CRACR2A: variants seen among roughly 807,000 people sequenced by gnomAD.
CRACR2A encodes calcium release activated channel regulator 2A.
In CRACR2A, 79 loss-of-function variants were observed where a neutral mutation model predicts 90.5. The observed-to-expected ratio is 0.87, with a 90% CI of 0.73 to 1.05. The LOEUF is 1.05. CRACR2A is among the 50% of genes least tolerant of loss of function. The probability of loss-of-function intolerance (pLI) is 0.00; values close to 1 mark genes in which losing one functional copy is unlikely to be tolerated. For synonymous variants in CRACR2A, 338 were observed against 356.7 expected (o/e 0.95, Z 0.59); for missense variants, 823 against 897.2 (o/e 0.92, Z 1.06).
In CRACR2A at chr12:3,654,250, G is replaced by A; in HGVS notation, c.1008C>T (p.Leu336=). The stretch of plus-strand genomic sequence containing the variant: ...GGTGGAGTTTGCAGGCCTCTTGCTG[G>A]AGGCTTTCCAACTGCTGCTGAGCAT... ...LQDAQQQLES[L]QQEACKLHQE... is the part of the protein sequence containing the mutation. Residue 336 remains leucine, a synonymous_variant, in exon 10 of 20, where the codon CTC becomes CTT. Coordinates refer to ENST00000440314, the MANE Select transcript of CRACR2A (RefSeq NM_001144958.2). The A allele has an allele frequency of 1.9e-6, 3 of 1,613,698 alleles. No homozygotes were observed. Among genetic ancestry groups the A allele is most frequent in the Non-Finnish European group, 2.5e-6 (3 of 1,179,898 alleles).
At chr12:3,716,690 C>A (rs1445148066) in intron 2 of CRACR2A, among the ~76,000 whole-genome samples, 1 of 152,154 alleles carries the variant, frequency 6.6e-6, no homozygotes, top group Non-Finnish European at 1.5e-5. Flanking sequence ...GGGGCATTGT[C>A]CCCATGAACT....
At chr12:3,722,145 T>C (rs1036811853) in intron 2 of CRACR2A, among the ~76,000 whole-genome samples, 1 of 152,224 alleles carries the variant, frequency 6.6e-6, no homozygotes, top group Admixed American at 6.5e-5. Context: ...GTAACCATAC[T>C]ACCCAGCACA....
At chr12:3,742,573 T>C (rs1946545027) in intron 1 of CRACR2A, among the ~76,000 whole-genome samples, 1 of 152,228 alleles carries the variant, frequency 6.6e-6, no homozygotes, top group Non-Finnish European at 1.5e-5. Context: ...TTCTAGATTA[T>C]GAACTAGTCA....
intron 2 of CRACR2A, among the ~76,000 whole-genome samples, chr12:3,721,375 A>AT (rs1946169971): frequency 6.6e-6 from 1 of 151,386 alleles, no homozygotes; most frequent in Non-Finnish European, 1.5e-5. Context: ...CTCTACAAAA[A>AT]AAAAAAAGAA....
chr12:3,673,802 G>A lies in CRACR2A; in HGVS notation c.525-210C>T, dbSNP rs141652848. ...GTCCTCACAATAACCCTACAAGGCAGGAGCTGCAATTACCCCATTTACAGA... is the reference window on the plus strand; with the variant it reads ...GTCCTCACAATAACCCTACAAGGCAAGAGCTGCAATTACCCCATTTACAGA... On this transcript the variant is annotated intron_variant, in intron 6 of 19. Coordinates refer to ENST00000440314, the MANE Select transcript of CRACR2A (RefSeq NM_001144958.2). Among the ~76,000 whole-genome samples, 166 of 152,328 alleles carry A rather than the reference G, an allele frequency of 1.1e-3. 1 individual carries two copies. Among genetic ancestry groups the A allele is most frequent in the Admixed American group, 5.2e-3 (80 of 15,298 alleles).
chr12:3,712,209 T>C (rs1025712067), intron 3 of CRACR2A, among the ~76,000 whole-genome samples: 11 of 137,778 alleles, frequency 8.0e-5, no homozygotes, highest in African/African-American at 2.8e-4. Context: ...CCCTGTGACC[T>C]TGGGAAGTTG....
intron 4 of CRACR2A, among the ~76,000 whole-genome samples, chr12:3,695,952 A>G (rs1269503354): frequency 6.6e-6 from 1 of 152,262 alleles, no homozygotes; most frequent in Non-Finnish European, 1.5e-5. Context: ...TAAACCAGCA[A>G]TCCCCTATTT....
intron 17 of CRACR2A, among the ~76,000 whole-genome samples, chr12:3,620,955 C>T (rs1245195999): frequency 2.0e-5 from 3 of 152,196 alleles, no homozygotes; most frequent in Non-Finnish European, 4.4e-5. Flanking sequence ...TTAGCTAGAG[C>T]GTTCACTAAT....
intron 2 of CRACR2A, among the ~76,000 whole-genome samples, chr12:3,721,585 C>CAAA (rs60808773): frequency 0.12 from 13,447 of 113,386 alleles, 821 homozygotes; most frequent in Middle Eastern, 0.18. Flanking sequence ...AATCATGTCT[C>CAAA]AAAAAAAAAA....
chr12:3,695,099 G>T (rs1321749400), intron 4 of CRACR2A, among the ~76,000 whole-genome samples: 1 of 152,184 alleles, frequency 6.6e-6, no homozygotes, highest in Non-Finnish European at 1.5e-5. Flanking sequence ...GAGTTAATTA[G>T]GTTATATACA....
rs1276173902 is a variant in CRACR2A, at chr12:3,641,719, G to A, written c.1271+13C>T. On this transcript the variant is annotated intron_variant, in intron 13 of 19. Coordinates refer to ENST00000440314, the MANE Select transcript of CRACR2A (RefSeq NM_001144958.2). ...GAGAGGAATGAAGGGATGAGCAAGT[G>A]GAGATGACTTACCTCCTAAGAATCC... 1.9e-6 allele frequency: 3 copies of A among 1,549,150 alleles called. No homozygotes were observed. Among genetic ancestry groups the A allele is most frequent in the Admixed American group, 3.9e-5 (2 of 50,990 alleles).
chr12:3,660,714 G>A lies in CRACR2A; in HGVS notation c.672-1060C>T, dbSNP rs150338071. On this transcript the variant is annotated intron_variant, in intron 7 of 19. Transcript: ENST00000440314. ...TTTTCATACCTTTTTTGCTGACCAT[G>A]CAGTGAAAGACCCTCTCTGTGGCCC... 1.5e-3 allele frequency among the ~76,000 whole-genome samples: 234 copies of A among 151,970 alleles called. 3 individuals carry two copies. The East Asian group carries it at 0.032, about 21-fold the overall frequency.
chr12:3,640,908 A>G, intron 13 of CRACR2A: 1 of 1,039,996 alleles, frequency 9.6e-7, no homozygotes, highest in South Asian at 1.5e-5. Context: ...AAAATGTGTT[A>G]TGTTTGAGTT....
chr12:3,707,170 C>A, intron 3 of CRACR2A, among the ~76,000 whole-genome samples: 1 of 152,168 alleles, frequency 6.6e-6, no homozygotes, highest in African/African-American at 2.4e-5. Context: ...CATTTGACTG[C>A]CTTTGAAATG....
intron 2 of CRACR2A, chr12:3,729,473 G>C (rs1467894001): frequency 6.6e-6 from 1 of 152,220 alleles, no homozygotes; most frequent in Non-Finnish European, 1.5e-5. Context: ...GGGAGGACGA[G>C]GCAGGCAGGT....
intron 14 of CRACR2A, among the ~76,000 whole-genome samples, chr12:3,634,596 T>A (rs1944427778): frequency 6.6e-6 from 1 of 152,252 alleles, no homozygotes; most frequent in Non-Finnish European, 1.5e-5. Flanking sequence ...TTCCAGGAGC[T>A]GCCGCTCAAA....
intron 2 of CRACR2A, among the ~76,000 whole-genome samples, chr12:3,723,844 A>T (rs2137822746): frequency 6.6e-6 from 1 of 152,112 alleles, no homozygotes; most frequent in South Asian, 2.1e-4. Context: ...CTCAACATTA[A>T]ATCAGTAGCC....
At chr12:3,652,204 G>A (rs530988884) in intron 10 of CRACR2A, among the ~76,000 whole-genome samples, 1 of 152,136 alleles carries the variant, frequency 6.6e-6, no homozygotes, top group South Asian at 2.1e-4. Flanking sequence ...AGCACTGGGT[G>A]TTTATTTCCA....
chr12:3,681,298 G>A (rs1220405111), intron 4 of CRACR2A, among the ~76,000 whole-genome samples: 4 of 152,208 alleles, frequency 2.6e-5, no homozygotes, highest in Non-Finnish European at 4.4e-5. Context: ...TTGGCTTAAG[G>A]TATCAAGGCC....
Sources: gnomAD v4.1 joint callset for allele counts (sites outside exome capture counted in the v4.1 genomes callset) on GRCh38, gnomAD v4.1.1 for gene constraint, MANE v1.5 for transcripts, NCBI Gene and HGNC (gene_info 2026-07-23, HGNC 2026-07-21) for gene names.